CREBBP: variants seen among roughly 807,000 people sequenced by gnomAD.
CREBBP encodes CREB binding lysine acetyltransferase, also known as CREB-binding protein.
Under a neutral mutation model 265.0 loss-of-function variants are expected in CREBBP, and 19 were observed. That is an observed-to-expected ratio of 0.07 (90% CI 0.05 to 0.11). The LOEUF is 0.11. Among genes scored for constraint, CREBBP ranks in the 10% least tolerant of loss-of-function variants. The pLI, the probability that CREBBP is intolerant of heterozygous loss-of-function variation, is 1.00. For synonymous variants in CREBBP, 1,457 were observed against 1,223.7 expected (o/e 1.19, Z -3.98); for missense variants, 2,525 against 3,219.0 (o/e 0.78, Z 5.22).
intron 14 of CREBBP, among the ~76,000 whole-genome samples, chr16:3,769,875 ATTTT>A (rs869232220): frequency 1.4e-5 from 2 of 146,906 alleles, no homozygotes; most frequent in South Asian, 2.2e-4. Flanking sequence ...ACTCAATGGA[ATTTT>A]TTTTTTTTTG....
intron 1 of CREBBP, among the ~76,000 whole-genome samples, chr16:3,867,795 G>A (rs2055207438): frequency 6.6e-6 from 1 of 151,510 alleles, no homozygotes; most frequent in African/African-American, 2.4e-5. Flanking sequence ...CAGGCATAGT[G>A]GCATGCACCT....
intron 1 of CREBBP, among the ~76,000 whole-genome samples, chr16:3,852,346 T>G (rs929698862): frequency 6.6e-6 from 1 of 151,254 alleles, no homozygotes; most frequent in African/African-American, 2.4e-5. Context: ...TTTTTTGTAT[T>G]TTTAGTAGAG....
intron 4 of CREBBP, among the ~76,000 whole-genome samples, chr16:3,792,513 G>C (rs922585129): frequency 9.2e-5 from 14 of 152,202 alleles, no homozygotes; most frequent in Non-Finnish European, 1.9e-4. Flanking sequence ...CAAATGAGAA[G>C]TCTGTAGAGA....
intron 1 of CREBBP, among the ~76,000 whole-genome samples, chr16:3,871,195 TCA>T (rs201848866): frequency 0.12 from 9,190 of 79,112 alleles, 353 homozygotes; most frequent in East Asian, 0.21. Flanking sequence ...TCTCTCTCTC[TCA>T]CTCACACACA....
At chr16:3,818,706 G>A (rs2054086531) in intron 2 of CREBBP, among the ~76,000 whole-genome samples, 1 of 152,122 alleles carries the variant, frequency 6.6e-6, no homozygotes, top group African/African-American at 2.4e-5. Context: ...CTCAAGACAC[G>A]CCTCAAGCCA....
intron 2 of CREBBP, among the ~76,000 whole-genome samples, chr16:3,819,383 G>C (rs2054100099): frequency 6.6e-6 from 1 of 151,938 alleles, no homozygotes; most frequent in African/African-American, 2.4e-5. Flanking sequence ...AGCTGCGACA[G>C]TGAGTACTAG....
chr16:3,849,442 T>TGGG (rs1567360480), intron 2 of CREBBP, among the ~76,000 whole-genome samples: 1 of 18,670 alleles, frequency 5.4e-5, no homozygotes, highest in African/African-American at 8.8e-5. Flanking sequence ...TGTGTGTGTG[T>TGGG]GTGTGTGTGT....
intron 5 of CREBBP, among the ~76,000 whole-genome samples, chr16:3,786,663 A>G (rs2053395286): frequency 6.6e-6 from 1 of 152,132 alleles, no homozygotes; most frequent in Non-Finnish European, 1.5e-5. Flanking sequence ...GGGAGGCGAA[A>G]CTTGTGTATG....
At chr16:3,758,077 A>G in intron 17 of CREBBP, 29 bp from the exon 18 acceptor site, 2 of 1,611,660 alleles carry the variant, frequency 1.2e-6, no homozygotes, top group Non-Finnish European at 1.7e-6. Context: ...GTCTCAGTAT[A>G]GGGAATCCCC....
intron 13 of CREBBP, 46 bp downstream of exon 13, chr16:3,773,705 A>G: frequency 6.2e-7 from 1 of 1,600,812 alleles, no homozygotes; most frequent in East Asian, 2.2e-5. Flanking sequence ...ACTTAACACA[A>G]GAATTTTATT....
chr16:3,786,300 A>G (rs896123766), intron 5 of CREBBP, among the ~76,000 whole-genome samples: 9 of 152,148 alleles, frequency 5.9e-5, no homozygotes, highest in African/African-American at 2.2e-4. Context: ...TAGGAGGTAG[A>G]AGTTGCAGTG....
chr16:3,873,238 T>A (rs887819522), intron 1 of CREBBP, among the ~76,000 whole-genome samples: 1 of 152,218 alleles, frequency 6.6e-6, no homozygotes, highest in Non-Finnish European at 1.5e-5. Flanking sequence ...ATCAATAATT[T>A]TCAGTGTACA....
In CREBBP at chr16:3,850,600, G is replaced by A. The variant is rs369771502; in HGVS notation, c.495C>T (p.Ser165=). The A allele has an allele frequency of 1.9e-6, 3 of 1,614,242 alleles. No homozygotes were observed. In the South Asian group the frequency reaches 3.3e-5, roughly 18 times the overall value. ...AQKQVGLATS[S]PATSQTGPGI... The stretch of plus-strand genomic sequence containing the variant: ...CAGGTCCAGTCTGTGACGTGGCAGG[G>A]CTGCTAGTCGCCAGCCCCACTTGCT... Residue 165 remains serine, a synonymous_variant, in exon 2 of 31, where the codon AGC becomes AGT. Transcript: ENST00000262367.
chr16:3,807,781 TTGGGGAGACC>T, intron 3 of CREBBP, among the ~76,000 whole-genome samples: 1 of 152,174 alleles, frequency 6.6e-6, no homozygotes, highest in Non-Finnish European at 1.5e-5. Context: ...TAGAAAGATG[TTGGGGAGACC>T]ATGTGTGCTG....
chr16:3,797,796 G>T (rs928182509), intron 3 of CREBBP, among the ~76,000 whole-genome samples: 1 of 151,568 alleles, frequency 6.6e-6, no homozygotes, highest in African/African-American at 2.4e-5. Flanking sequence ...AAATTCACAT[G>T]AACTAAAGTG....
intron 1 of CREBBP, among the ~76,000 whole-genome samples, chr16:3,856,372 A>G (rs911051726): frequency 5.3e-5 from 8 of 152,236 alleles, no homozygotes; most frequent in African/African-American, 1.9e-4. Flanking sequence ...GCTGGAGTGC[A>G]GTGAAGTTGC....
chr16:3,843,405 G>T (rs1297153013), intron 2 of CREBBP, among the ~76,000 whole-genome samples: 3 of 147,106 alleles, frequency 2.0e-5, no homozygotes, highest in Admixed American at 7.1e-5. Flanking sequence ...ATAGAAAATA[G>T]CAATAAAGTT....
intron 6 of CREBBP, 53 bp downstream of exon 6, chr16:3,782,631 C>T (rs1486682568): frequency 1.9e-6 from 3 of 1,608,066 alleles, no homozygotes; most frequent in Non-Finnish European, 2.5e-6. Flanking sequence ...TCACTCCATT[C>T]CCTTTGCTGC....
At chr16:3,753,045 C>T (rs1361956929) in intron 19 of CREBBP, among the ~76,000 whole-genome samples, 1 of 152,158 alleles carries the variant, frequency 6.6e-6, no homozygotes. Flanking sequence ...CAGGTAGCGA[C>T]GGCAGCACGA....
Sources: allele counts gnomAD v4.1 joint callset (sites outside exome capture counted in the v4.1 genomes callset), GRCh38; gene constraint gnomAD v4.1.1; transcripts MANE v1.5; gene names NCBI Gene and HGNC (gene_info 2026-07-23, HGNC 2026-07-21).